Variants in PRDM15 observed in about 807,000 individuals in gnomAD.
PRDM15 encodes PR domain zinc finger protein 15.
PRDM15 carries 64 observed loss-of-function variants against 128.6 expected under a neutral mutation model. The observed-to-expected ratio is 0.50, with a 90% CI of 0.41 to 0.61. PRDM15 has a LOEUF of 0.61. Ranked by LOEUF, PRDM15 falls within the 20% of genes least tolerant of loss-of-function variation. The pLI is 0.00. For missense variants in PRDM15, 1,242 were observed against 1,569.1 expected, an observed-to-expected ratio of 0.79 and a Z score of 3.52; for synonymous variants, 615 against 621.8, an observed-to-expected ratio of 0.99 and a Z score of 0.16.
chr21:41,846,361 C>T (rs2063264182), intron 6 of PRDM15, among the ~76,000 whole-genome samples: 1 of 152,222 alleles, frequency 6.6e-6, no homozygotes, highest in African/African-American at 2.4e-5. Flanking sequence ...GAAATGTGTT[C>T]AATTCTCTCC....
Position 41,857,391 on chromosome 21 carries a change from A to C in PRDM15, c.132-62T>G, listed in dbSNP as rs2063668442. The C allele has an allele frequency of 3.2e-6, 5 of 1,577,228 alleles. No individual in the cohort carries two copies. In the South Asian group the frequency reaches 3.4e-5, roughly 11 times the overall value. ...CTCACACCCAGGGACCGACTCGTTA[A>C]GATAACCTAAAAGCTCGCCCTCACT... is the stretch of plus-strand genomic sequence containing the variant. On this transcript the variant is annotated intron_variant, in intron 3 of 23. Transcript: ENST00000398548.
At chr21:41,856,108 T>C (rs1481993983) in intron 4 of PRDM15, among the ~76,000 whole-genome samples, 1 of 4,458 alleles carries the variant, frequency 2.2e-4, no homozygotes, top group African/African-American at 1.5e-3. Context: ...TCCCTTCCTT[T>C]CCTTCCTTCC....
intron 11 of PRDM15, among the ~76,000 whole-genome samples, chr21:41,834,821 G>A (rs113570987): frequency 0.093 from 14,238 of 152,286 alleles, 886 homozygotes; most frequent in Non-Finnish European, 0.14. Flanking sequence ...AGAGAGACAG[G>A]GGCCTCAGAC....
At chr21:41,843,968 A>AAG (rs1414433805) in intron 6 of PRDM15, among the ~76,000 whole-genome samples, 2 of 150,882 alleles carry the variant, frequency 1.3e-5, no homozygotes, top group Non-Finnish European at 3.0e-5. Context: ...AAAAAAAAAA[A>AAG]AAAGAAAGAA....
chr21:41,825,566 G>A (rs980922815), intron 13 of PRDM15, among the ~76,000 whole-genome samples: 11 of 151,850 alleles, frequency 7.2e-5, no homozygotes, highest in Admixed American at 3.9e-4. Flanking sequence ...GGAGGAGACC[G>A]GCACTGACAG....
chr21:41,835,409 C>G, intron 11 of PRDM15, 28 bp downstream of exon 11: 1 of 1,584,760 alleles, frequency 6.3e-7, no homozygotes, highest in Non-Finnish European at 8.6e-7. Flanking sequence ...GCACAGCGGC[C>G]GAGGGGAGAC....
Position 41,804,642 on chromosome 21 carries a change from G to C in PRDM15, c.2653-28C>G, listed in dbSNP as rs73373472. The C allele has an allele frequency of 4.7e-3, 7,201 of 1,517,748 alleles. 281 individuals are homozygous for C. The African/African-American group carries it at 0.086, about 18-fold the overall frequency. 94.0% of individuals were successfully genotyped at this position (1,517,748 alleles called of 1,614,324 possible). On this transcript the variant is annotated intron_variant, in intron 21 of 23. Coordinates refer to ENST00000398548, the MANE Select transcript of PRDM15 (RefSeq NM_001040424.3). ...ATGAGGAGCACAGGGCATGAGCTGG[G>C]GGTCAGGGTGCTGCTGATGCAGGTG...
intron 1 of PRDM15, among the ~76,000 whole-genome samples, chr21:41,867,900 T>C (rs1319417787): frequency 2.6e-5 from 4 of 151,832 alleles, no homozygotes; most frequent in Non-Finnish European, 4.4e-5. Flanking sequence ...CCACTAAAAA[T>C]ACAAAAATTA....
At chr21:41,870,383 G>C (rs1185684061) in intron 1 of PRDM15, among the ~76,000 whole-genome samples, 6 of 152,166 alleles carry the variant, frequency 3.9e-5, no homozygotes, top group Non-Finnish European at 1.5e-5. Flanking sequence ...CCCTGGTCTG[G>C]AGGCTCAGGG....
rs1168207709 is a variant in PRDM15, at chr21:41,810,083, T to C, written c.2652+71A>G. The C allele has an allele frequency of 1.1e-5, 17 of 1,481,916 alleles. 1 individual carries two copies. Among genetic ancestry groups the C allele is most frequent in the South Asian group, 2.5e-5 (2 of 81,138 alleles). 91.8% of individuals were successfully genotyped at this position (1,481,916 alleles called of 1,614,324 possible). ...GGGGTCTGCAGAGGGAGGTGGGCCA[T>C]GTGCCAGCATGGGGGTGTCCGGTGC... On this transcript the variant is annotated intron_variant, in intron 21 of 23. Coordinates refer to ENST00000398548, the MANE Select transcript of PRDM15 (RefSeq NM_001040424.3). This position sits in a 1 kb window ranked among gnomAD's most constrained non-coding sequence, Gnocchi z 6.4.
chr21:41,875,427 A>G (rs536024243), intron 1 of PRDM15, among the ~76,000 whole-genome samples: 1 of 152,190 alleles, frequency 6.6e-6, no homozygotes, highest in African/African-American at 2.4e-5. Flanking sequence ...CTAAAATGCC[A>G]CTCCCTGCAT....
chr21:41,828,115 C>T lies in PRDM15; in HGVS notation c.1534+51G>A, dbSNP rs1297305955. ...ACTGCTCCATGCCGCCCTGCCCCAC[C>T]CCGCAGGAGCTGCCTCTCCCCGCCC... On this transcript the variant is annotated intron_variant, in intron 12 of 23. Coordinates refer to ENST00000398548, the MANE Select transcript of PRDM15 (RefSeq NM_001040424.3). This position sits in a 1 kb window ranked among gnomAD's most constrained non-coding sequence, Gnocchi z 5.7. The T allele has an allele frequency of 1.3e-6, 2 of 1,597,718 alleles. No homozygotes were observed. Among genetic ancestry groups the T allele is most frequent in the Non-Finnish European group, 1.7e-6 (2 of 1,171,730 alleles).
At position 41,810,389 on chromosome 21, in the gene PRDM15, G is replaced by C; in HGVS notation, c.2477-60C>G. On this transcript the variant is annotated intron_variant, in intron 20 of 23. Coordinates refer to ENST00000398548, the MANE Select transcript of PRDM15 (RefSeq NM_001040424.3). The surrounding 1 kb of genome is among the most constrained non-coding windows in gnomAD (Gnocchi z 6.4). ...AAAGGAAGAGACACGCAGGTCACTA[G>C]TGCAGCCATCCCAATGACCCTGGCC... The C allele has an allele frequency of 6.5e-7, 1 of 1,545,028 alleles. No homozygotes were observed. Among genetic ancestry groups the C allele is most frequent in the Non-Finnish European group, 8.8e-7 (1 of 1,138,914 alleles).
intron 18 of PRDM15, 125 bp from the exon 19 acceptor site, chr21:41,815,961 C>T (rs1010223452): frequency 5.0e-6 from 6 of 1,202,174 alleles, no homozygotes; most frequent in South Asian, 4.3e-5. Context: ...TGTGGGCCGG[C>T]CCCCGAGGAT....
chr21:41,868,413 G>A (rs555333769), intron 1 of PRDM15, among the ~76,000 whole-genome samples: 53 of 152,262 alleles, frequency 3.5e-4, no homozygotes, highest in African/African-American at 1.2e-3. Flanking sequence ...CTGACAGGCT[G>A]TTTTCCAGAG....
At position 41,801,157 on chromosome 21, in the gene PRDM15, T is replaced by C; in HGVS notation, c.*83A>G. The C allele has an allele frequency of 6.7e-7, 1 of 1,487,176 alleles. No individual in the cohort carries two copies. Among genetic ancestry groups the C allele is most frequent in the South Asian group, 1.4e-5 (1 of 73,054 alleles). The allele number at this position is 1,487,176 out of a possible 1,614,324, so 92.1% of individuals were successfully genotyped here. A position where few individuals can be genotyped will look rare whatever the true frequency, so the allele number is the denominator to read the frequency against. ...TTACATTGCAATGTATGACTTTTTGTTTGTTTGGTATCCAGCAAACACATC... is the reference window on the plus strand; with the variant it reads ...TTACATTGCAATGTATGACTTTTTGCTTGTTTGGTATCCAGCAAACACATC... On this transcript the variant is annotated 3_prime_UTR_variant, in exon 24 of 24. Transcript: ENST00000398548.
In PRDM15 at chr21:41,828,019, G is replaced by A. The variant is rs2062528872; in HGVS notation, c.1534+147C>T. The A allele has an allele frequency of 1.4e-6, 1 of 731,332 alleles. No individual in the cohort carries two copies. The highest frequency in any genetic ancestry group is 2.3e-6 in the Non-Finnish European group (1 of 438,956). The allele number at this position is 731,332 out of a possible 1,614,324, so 45.3% of individuals were successfully genotyped here. A position where few individuals can be genotyped will look rare whatever the true frequency, so the allele number is the denominator to read the frequency against. On this transcript the variant is annotated intron_variant, in intron 12 of 23. Coordinates refer to ENST00000398548, the MANE Select transcript of PRDM15 (RefSeq NM_001040424.3). This position sits in a 1 kb window ranked among gnomAD's most constrained non-coding sequence, Gnocchi z 5.7. Reference sequence around the variant, plus strand: ...GAGACAGGTTCTCAGAAGAGGATGAGCCCATCGGATGGCGGGCGTTTCCAG... The same window carrying A: ...GAGACAGGTTCTCAGAAGAGGATGAACCCATCGGATGGCGGGCGTTTCCAG...
Position 41,878,765 on chromosome 21 carries a change from C to T in PRDM15, c.-10+505G>A, listed in dbSNP as rs778621396. 1.2e-5 allele frequency: 18 copies of T among 1,487,430 alleles called. No homozygotes were observed. The Admixed American group carries it at 2.6e-4, about 21-fold the overall frequency. 92.1% of individuals were successfully genotyped at this position (1,487,430 alleles called of 1,614,324 possible). A position where few individuals can be genotyped will look rare whatever the true frequency, so the allele number is the denominator to read the frequency against. On this transcript the variant is annotated intron_variant, in intron 1 of 23. Coordinates refer to ENST00000398548, the MANE Select transcript of PRDM15 (RefSeq NM_001040424.3). ...CCCCGTGCGACCCGCATGGGCTGTA[C>T]CCGAGGGCGGGGGATAACGACATCC... is the stretch of plus-strand genomic sequence containing the variant.
Position 41,862,897 on chromosome 21 carries a change from G to A in PRDM15, c.-9-2525C>T, listed in dbSNP as rs758046372. 5.9e-5 allele frequency among the ~76,000 whole-genome samples: 9 copies of A among 152,078 alleles called. No individual in the cohort carries two copies. The highest frequency in any genetic ancestry group is 1.2e-4 in the Non-Finnish European group (8 of 68,000). On this transcript the variant is annotated intron_variant, in intron 1 of 23. Transcript: ENST00000398548. The surrounding 1 kb of genome is among the most constrained non-coding windows in gnomAD (Gnocchi z 4.1). ...TAGAAGTTCGAGATCCTGGGCAGGC[G>A]TGTGGCTCACGTCTGTAATCCCAGC...
Sources: allele counts gnomAD v4.1 joint callset (sites outside exome capture counted in the v4.1 genomes callset), GRCh38; gene constraint gnomAD v4.1.1; non-coding constraint Gnocchi (gnomAD v3.1); transcripts MANE v1.5; gene names NCBI Gene and HGNC (gene_info 2026-07-23, HGNC 2026-07-21).